LRFN5: variants seen among roughly 807,000 people sequenced by gnomAD.
LRFN5 encodes leucine-rich repeat and fibronectin type-III domain-containing protein 5.
LRFN5 carries 24 observed loss-of-function variants against 45.6 expected under a neutral mutation model. The observed-to-expected ratio is 0.53, with a 90% confidence interval of 0.38 to 0.74. The LOEUF is 0.74. LRFN5 is among the 30% of genes least tolerant of loss of function. The pLI, the probability that LRFN5 is intolerant of heterozygous loss-of-function variation, is 0.00. For synonymous variants in LRFN5, 340 were observed against 313.8 expected (o/e 1.08, Z -0.88); for missense variants, 776 against 861.5 (o/e 0.90, Z 1.24).
chr14:41,728,949 G>T (rs750316457), intron 1 of LRFN5, among the ~76,000 whole-genome samples: 1 of 149,742 alleles, frequency 6.7e-6, no homozygotes, highest in Non-Finnish European at 1.5e-5. Flanking sequence ...ATTTAAAAAC[G>T]TCCCTTCAGC....
At chr14:41,771,831 T>C (rs1886101075) in intron 2 of LRFN5, among the ~76,000 whole-genome samples, 1 of 152,216 alleles carries the variant, frequency 6.6e-6, no homozygotes, top group South Asian at 2.1e-4. Flanking sequence ...ACTCTGCCTG[T>C]TACCCAGTTC....
At chr14:41,663,918 C>T (rs1029233584) in intron 1 of LRFN5, among the ~76,000 whole-genome samples, 1 of 151,944 alleles carries the variant, frequency 6.6e-6, no homozygotes, top group African/African-American at 2.4e-5. Context: ...ATAACTTGAT[C>T]AATACACATT....
intron 1 of LRFN5, among the ~76,000 whole-genome samples, chr14:41,684,117 C>A (rs1472015231): frequency 1.3e-5 from 2 of 152,036 alleles, no homozygotes; most frequent in Non-Finnish European, 2.9e-5. Context: ...AATAGAGAAT[C>A]CAGAAACAAT....
chr14:41,892,512 A>G (rs1229577406), intron 4 of LRFN5: 1 of 973,620 alleles, frequency 1.0e-6, no homozygotes, highest in East Asian at 1.1e-4. Context: ...AATTTTACAA[A>G]GGGCCACCTA....
At chr14:41,804,043 T>G (rs1021505040) in intron 2 of LRFN5, among the ~76,000 whole-genome samples, 1 of 152,094 alleles carries the variant, frequency 6.6e-6, no homozygotes, top group Non-Finnish European at 1.5e-5. Flanking sequence ...TTTGTATTTT[T>G]GGTAGAGGCG....
At chr14:41,871,774 A>G (rs1890027412) in intron 2 of LRFN5, among the ~76,000 whole-genome samples, 1 of 152,104 alleles carries the variant, frequency 6.6e-6, no homozygotes, top group Admixed American at 6.6e-5. Flanking sequence ...CTTCAAAAAT[A>G]GATTACCCTA....
chr14:41,635,018 C>A (rs1879231374), intron 1 of LRFN5, among the ~76,000 whole-genome samples: 1 of 151,958 alleles, frequency 6.6e-6, no homozygotes, highest in Admixed American at 6.6e-5. Context: ...AGAAGGCAAT[C>A]TTTACAATCG....
At chr14:41,793,115 T>C (rs980153645) in intron 2 of LRFN5, among the ~76,000 whole-genome samples, 1 of 151,530 alleles carries the variant, frequency 6.6e-6, no homozygotes, top group African/African-American at 2.4e-5. Context: ...AACCTTCACA[T>C]TGTGCACATG....
At chr14:41,894,619 C>A (rs17112380) in intron 4 of LRFN5, 672,882 of 981,644 alleles carry the variant, frequency 0.69, 231,179 homozygotes, top group Middle Eastern at 0.82. Context: ...ATTTTTGCTT[C>A]AAGTAATTGC....
intron 2 of LRFN5, among the ~76,000 whole-genome samples, chr14:41,873,786 A>G (rs1205723297): frequency 3.3e-5 from 5 of 152,170 alleles, no homozygotes; most frequent in African/African-American, 1.2e-4. Flanking sequence ...ACTGATGATC[A>G]TTCTTTCTGC....
At chr14:41,729,254 G>A (rs1241890772) in intron 1 of LRFN5, among the ~76,000 whole-genome samples, 2 of 152,046 alleles carry the variant, frequency 1.3e-5, no homozygotes, top group African/African-American at 4.8e-5. Context: ...TGCCCAGTTT[G>A]TTCACACAAA....
intron 2 of LRFN5, among the ~76,000 whole-genome samples, chr14:41,777,656 C>A (rs932799128): frequency 6.6e-6 from 1 of 151,760 alleles, no homozygotes; most frequent in Admixed American, 6.6e-5. Flanking sequence ...AGCTCTATTA[C>A]ATTGGTAAAT....
chr14:41,755,765 C>G (rs1183898650), intron 1 of LRFN5, among the ~76,000 whole-genome samples: 6 of 151,994 alleles, frequency 3.9e-5, no homozygotes, highest in Non-Finnish European at 7.4e-5. Context: ...TCCCATTTAC[C>G]TTTAAGGTTA....
intron 1 of LRFN5, among the ~76,000 whole-genome samples, chr14:41,625,163 G>A (rs544495324): frequency 1.3e-5 from 2 of 152,132 alleles, no homozygotes; most frequent in African/African-American, 4.8e-5. Context: ...TCTTCATATA[G>A]TACTCTGTGT....
chr14:41,888,554 G>C (rs1890661514), intron 3 of LRFN5, among the ~76,000 whole-genome samples: 1 of 152,036 alleles, frequency 6.6e-6, no homozygotes, highest in Non-Finnish European at 1.5e-5. Flanking sequence ...GATCAAGATG[G>C]GTATTGCCAT....
intron 2 of LRFN5, among the ~76,000 whole-genome samples, chr14:41,807,373 A>G (rs190614422): frequency 6.6e-6 from 1 of 152,282 alleles, no homozygotes; most frequent in Admixed American, 6.6e-5. Context: ...AGCCAAAACT[A>G]CAACTGCAGA....
intron 2 of LRFN5, among the ~76,000 whole-genome samples, chr14:41,864,189 T>A (rs750707988): frequency 4.6e-5 from 7 of 152,202 alleles, no homozygotes; most frequent in Non-Finnish European, 1.0e-4. Context: ...TATAACCCAG[T>A]AATGGAATTG....
chr14:41,648,509 A>G (rs957465851), intron 1 of LRFN5, among the ~76,000 whole-genome samples: 1 of 152,194 alleles, frequency 6.6e-6, no homozygotes, highest in African/African-American at 2.4e-5. Flanking sequence ...CAATTGAAAA[A>G]TAAAATGGCT....
At chr14:41,892,575 T>G in intron 4 of LRFN5, 1 of 980,466 alleles carries the variant, frequency 1.0e-6, no homozygotes, top group Non-Finnish European at 1.2e-6. Context: ...TCAATGGTAA[T>G]AGTGTTTCCT....
Sources: gnomAD v4.1 joint callset for allele counts (sites outside exome capture counted in the v4.1 genomes callset) on GRCh38, gnomAD v4.1.1 for gene constraint, MANE v1.5 for transcripts, NCBI Gene and HGNC (gene_info 2026-07-23, HGNC 2026-07-21) for gene names.